Variants in CFAP47 observed in about 807,000 individuals in gnomAD.
The protein encoded by CFAP47 is cilia and flagella associated protein 47, also known as cilia- and flagella-associated protein 47.
A neutral mutation model predicts 148.1 loss-of-function variants in CFAP47; 29 were observed. The ratio of observed to expected loss-of-function variants is 0.20; its 90% CI spans 0.15 to 0.27. The LOEUF (loss-of-function observed/expected upper bound fraction) is 0.27. Ranked by LOEUF, CFAP47 falls within the 10% of genes least tolerant of loss-of-function variation. The pLI, the probability that CFAP47 is intolerant of heterozygous loss-of-function variation, is 1.00. For missense variants in CFAP47, 1,872 were observed against 1,697.5 expected (o/e 1.10, Z -1.81); for synonymous variants, 664 against 577.3 (o/e 1.15, Z -2.15).
At chrX:36,074,357 C>T (rs1278401915) in intron 29 of CFAP47, among the ~76,000 whole-genome samples, 1 of 111,618 alleles carries the variant, frequency 9.0e-6, no homozygotes, top group Non-Finnish European at 1.9e-5. Flanking sequence ...TTTAGAAACA[C>T]CACTTCACAG....
intron 8 of CFAP47, among the ~76,000 whole-genome samples, chrX:35,959,229 G>C (rs1720106213): frequency 9.0e-6 from 1 of 111,662 alleles, no homozygotes; most frequent in African/African-American, 3.3e-5. Context: ...TAATTGGGCT[G>C]TCTTTTTTTT....
chrX:36,127,796 A>G (rs1938869306), intron 33 of CFAP47, among the ~76,000 whole-genome samples: 1 of 111,162 alleles, frequency 9.0e-6, no homozygotes, highest in Non-Finnish European at 1.9e-5. Flanking sequence ...TTCTCCTTGA[A>G]GAGGTCCTTC....
intron 45 of CFAP47, among the ~76,000 whole-genome samples, chrX:36,220,655 A>G (rs1393992094): frequency 9.0e-6 from 1 of 111,020 alleles, no homozygotes; most frequent in Non-Finnish European, 1.9e-5. Context: ...ACAAGTGACC[A>G]CCTAAGACAG....
At chrX:35,921,789 G>A (rs1410669003) in intron 1 of CFAP47, among the ~76,000 whole-genome samples, 1 of 104,957 alleles carries the variant, frequency 9.5e-6, no homozygotes, top group African/African-American at 4.0e-5. Flanking sequence ...TGTTGGGGTG[G>A]GGGATAAGAA....
intron 48 of CFAP47, among the ~76,000 whole-genome samples, chrX:36,243,276 A>C (rs956792357): frequency 4.5e-5 from 5 of 110,871 alleles, no homozygotes; most frequent in Non-Finnish European, 7.6e-5. Context: ...TGTGCAACCA[A>C]GGCTTCATAA....
intron 15 of CFAP47, among the ~76,000 whole-genome samples, chrX:35,986,503 C>T (rs899141963): frequency 9.2e-6 from 1 of 109,208 alleles, no homozygotes; most frequent in African/African-American, 3.3e-5. Flanking sequence ...GTTAACAGTT[C>T]CTCTAACCTT....
In CFAP47 at chrX:36,300,190, C is replaced by A. The variant is rs782459973; in HGVS notation, c.7863-882C>A. On this transcript the variant is annotated intron_variant, in intron 52 of 63. Coordinates refer to ENST00000378653, the MANE Select transcript of CFAP47 (RefSeq NM_001304548.2). Reference sequence around the variant, plus strand: ...ACTGTAAGAGGTAAGATTGATTCCTCCTATTTTATAAATGAGAAAATTGAA... The same window carrying A: ...ACTGTAAGAGGTAAGATTGATTCCTACTATTTTATAAATGAGAAAATTGAA... Among the ~76,000 whole-genome samples, 17 of 111,089 alleles carry A rather than the reference C, an allele frequency of 1.5e-4. No homozygotes were observed. In the South Asian group the frequency reaches 6.0e-3, roughly 39 times the overall value.
chrX:36,303,110 G>A (rs1941313751), intron 53 of CFAP47, among the ~76,000 whole-genome samples: 1 of 111,777 alleles, frequency 8.9e-6, no homozygotes, highest in Non-Finnish European at 1.9e-5. Flanking sequence ...AAAATCAAGG[G>A]TTCACCATGA....
chrX:36,317,050 T>A (rs1941439927), intron 56 of CFAP47, among the ~76,000 whole-genome samples: 1 of 111,959 alleles, frequency 8.9e-6, no homozygotes, highest in Non-Finnish European at 1.9e-5. Context: ...GCCTCCCAAA[T>A]TTCTGGGCTT....
intron 3 of CFAP47, among the ~76,000 whole-genome samples, chrX:35,943,456 T>C (rs1936040369): frequency 1.8e-5 from 2 of 111,524 alleles, no homozygotes; most frequent in African/African-American, 6.5e-5. Context: ...AACAACTCCT[T>C]GATGATTTAT....
intron 29 of CFAP47, 66 bp downstream of exon 29, chrX:36,073,430 T>A: frequency 1.4e-6 from 1 of 707,011 alleles, no homozygotes; most frequent in Non-Finnish European, 2.1e-6. Flanking sequence ...ATCTATTGAT[T>A]GAGATTATTT....
At chrX:36,059,441 G>A (rs1207345826) in intron 26 of CFAP47, among the ~76,000 whole-genome samples, 5 of 111,812 alleles carry the variant, frequency 4.5e-5, no homozygotes, top group Non-Finnish European at 1.9e-5. Context: ...TCTAAGTTCT[G>A]TGAAATTAAC....
chrX:36,231,937 C>T (rs1213548894), intron 46 of CFAP47, among the ~76,000 whole-genome samples: 2 of 111,494 alleles, frequency 1.8e-5, no homozygotes, highest in Non-Finnish European at 3.8e-5. Flanking sequence ...GTATATTGAA[C>T]CAGCCTTGCA....
chrX:36,201,524 T>A, intron 44 of CFAP47, 24 bp downstream of exon 44: 1 of 296,487 alleles, frequency 3.4e-6, no homozygotes, highest in African/African-American at 2.7e-5. Flanking sequence ...AATAGATGAT[T>A]CACTTCAATT....
intron 16 of CFAP47, among the ~76,000 whole-genome samples, chrX:35,990,952 T>C (rs1936782445): frequency 9.0e-6 from 1 of 111,677 alleles, no homozygotes; most frequent in Admixed American, 9.5e-5. Context: ...TCTTTCCCCA[T>C]GAGGAGAATT....
At chrX:36,057,673 T>TA (rs1491372580) in intron 26 of CFAP47, among the ~76,000 whole-genome samples, 4 of 111,873 alleles carry the variant, frequency 3.6e-5, no homozygotes, top group Non-Finnish European at 7.5e-5. Context: ...CATTATGTTT[T>TA]ATAATTTTTT....
intron 7 of CFAP47, 105 bp from the exon 8 acceptor site, chrX:35,955,856 C>G: frequency 9.5e-7 from 1 of 1,056,281 alleles, no homozygotes; most frequent in Non-Finnish European, 1.3e-6. Context: ...ATTGAATGAG[C>G]TACCCAATTT....
intron 33 of CFAP47, among the ~76,000 whole-genome samples, chrX:36,128,603 A>G (rs147226652): frequency 0.012 from 1,346 of 110,698 alleles, 41 homozygotes; most frequent in Admixed American, 0.091. Flanking sequence ...ATTTTTGTAT[A>G]ATCTTAAACA....
Position 36,251,361 on chromosome X carries a change from G to C in CFAP47, c.7361G>C (p.Gly2454Ala), listed in dbSNP as rs1267944074. The C allele has an allele frequency of 2.0e-6, 1 of 505,834 alleles. No homozygotes were observed. The highest frequency in any genetic ancestry group is 3.5e-6 in the Non-Finnish European group (1 of 282,430). The allele number at this position is 505,834 out of a possible 1,213,427, so 41.7% of individuals were successfully genotyped here. The change falls in exon 49 of 64, where the codon GGA becomes GCA. Residue 2454 changes from glycine (G) to alanine (A), a missense_variant. By Grantham distance (60) the Gly-to-Ala change is moderately conservative (BLOSUM62 0). Coordinates refer to ENST00000378653, the MANE Select transcript of CFAP47 (RefSeq NM_001304548.2). ...ACTGCAGATCTTCCAATAGTGTGGG[G>C]AAATCCACAAATTACAGTATACCCT... ...KVTADLPIVW[G>A]NPQITVYPYK...
Sources: gnomAD v4.1 joint callset for allele counts (sites outside exome capture counted in the v4.1 genomes callset) on GRCh38, gnomAD v4.1.1 for gene constraint, MANE v1.5 for transcripts, NCBI Gene and HGNC (gene_info 2026-07-23, HGNC 2026-07-21) for gene names.